ATP7A: variants seen among roughly 807,000 people sequenced by gnomAD.
The protein encoded by ATP7A is ATPase copper transporting alpha.
Under a neutral mutation model 83.5 loss-of-function variants are expected in ATP7A, and 7 were observed. The ratio of observed to expected loss-of-function variants is 0.08; its 90% CI spans 0.05 to 0.16. The LOEUF (loss-of-function observed/expected upper bound fraction) is 0.16, where lower values mean the gene tolerates loss of function less well. ATP7A is among the 10% of genes least tolerant of loss of function. The pLI, the probability that ATP7A is intolerant of heterozygous loss-of-function variation, is 1.00. For missense variants in ATP7A, 940 were observed against 1,120.8 expected (o/e 0.84, Z 2.30); for synonymous variants, 354 against 395.2 (o/e 0.90, Z 1.24).
chrX:77,928,845 G>A (rs1195573016), intron 1 of ATP7A, among the ~76,000 whole-genome samples: 1 of 111,972 alleles, frequency 8.9e-6, no homozygotes, highest in Non-Finnish European at 1.9e-5. Flanking sequence ...AGATAAATGT[G>A]CTAGGCCGTC....
chrX:77,916,900 G>C (rs1278596861), intron 1 of ATP7A, among the ~76,000 whole-genome samples: 1 of 111,417 alleles, frequency 9.0e-6, no homozygotes, highest in Non-Finnish European at 1.9e-5. Context: ...ACTAAACTAT[G>C]AAACTGATTC....
chrX:77,962,173 T>TGCTCTGGTCGGATTCTGCC (rs1430072140), intron 1 of ATP7A, among the ~76,000 whole-genome samples: 1 of 111,789 alleles, frequency 8.9e-6, no homozygotes, highest in African/African-American at 3.2e-5. Flanking sequence ...ATGGTTTGGC[T>TGCTCTGGTCGGATTCTGCC]GCTCTGGTCG....
In ATP7A at chrX:78,011,446, A is replaced by G. The variant is rs782237008; in HGVS notation, c.1947-3A>G. On this transcript the variant is annotated splice_polypyrimidine_tract_variant and splice_region_variant and intron_variant, in intron 8 of 22. Coordinates refer to ENST00000341514, the MANE Select transcript of ATP7A (RefSeq NM_000052.7). ...TTTTCTTTTTTTATTTTTTCCATAT[A>G]AGATGGAGACGGTCTTTTCTTGTGA... The G allele has an allele frequency of 2.9e-5, 35 of 1,203,796 alleles. No individual in the cohort carries two copies. Among genetic ancestry groups the G allele is most frequent in the African/African-American group, 1.4e-4 (8 of 56,891 alleles).
At chrX:77,982,220 G>T (rs1557230962) in intron 2 of ATP7A, among the ~76,000 whole-genome samples, 1 of 111,700 alleles carries the variant, frequency 9.0e-6, no homozygotes, top group Non-Finnish European at 1.9e-5. Context: ...CTCCACATCT[G>T]TAAAATAACA....
At chrX:78,011,876 G>C (rs1274274092) in intron 9 of ATP7A, 10 of 458,906 alleles carry the variant, frequency 2.2e-5, no homozygotes, top group African/African-American at 1.7e-4. Context: ...AAGAGTTCAA[G>C]TTTTTTGGGT....
chrX:78,039,735 G>A (rs2078035685), intron 18 of ATP7A, among the ~76,000 whole-genome samples: 1 of 111,635 alleles, frequency 9.0e-6, no homozygotes, highest in African/African-American at 3.3e-5. Flanking sequence ...TTTTTTACTG[G>A]GTACATTTTA....
At chrX:77,988,762 G>A (rs782713022) in intron 3 of ATP7A, 31 bp downstream of exon 3, 55 of 1,207,901 alleles carry the variant, frequency 4.6e-5, no homozygotes, top group Non-Finnish European at 6.0e-5. Context: ...TGTTTTGTAA[G>A]GCTTAGGTGT....
chrX:77,916,327 C>T (rs370774075), intron 1 of ATP7A, among the ~76,000 whole-genome samples: 70 of 101,030 alleles, frequency 6.9e-4, no homozygotes, highest in African/African-American at 1.4e-3. Flanking sequence ...TGCAGTCCAG[C>T]CTGGGTGACA....
In ATP7A at chrX:78,050,377, A is replaced by G. The variant is rs1428830921; in HGVS notation, c.*3807A>G. 3 of 112,246 alleles carry G rather than the reference A, an allele frequency of 2.7e-5. No individual in the cohort carries two copies. In the East Asian group the frequency reaches 8.3e-4, roughly 31 times the overall value. The allele number at this position is 112,246 out of a possible 1,213,427, so 9.3% of individuals were successfully genotyped here. ...CCAAGGATGTGCCTTCAACTTTATA[A>G]TTATAGTGTTGTAAAATATTTTTGT... On this transcript the variant is annotated 3_prime_UTR_variant, in exon 23 of 23. Coordinates refer to ENST00000341514, the MANE Select transcript of ATP7A (RefSeq NM_000052.7).
chrX:78,007,303 T>A (rs1423611837), intron 6 of ATP7A, among the ~76,000 whole-genome samples: 2 of 112,360 alleles, frequency 1.8e-5, no homozygotes, highest in East Asian at 5.5e-4. Flanking sequence ...TCATAAATGT[T>A]CTTTGGAGAA....
intron 1 of ATP7A, among the ~76,000 whole-genome samples, chrX:77,950,057 C>T (rs1160058071): frequency 2.7e-5 from 3 of 112,081 alleles, no homozygotes; most frequent in Non-Finnish European, 5.6e-5. Flanking sequence ...TTCACTGGCA[C>T]TGGCTTTCTC....
chrX:77,983,652 C>T (rs919807404), intron 2 of ATP7A, among the ~76,000 whole-genome samples: 3 of 111,927 alleles, frequency 2.7e-5, no homozygotes, highest in African/African-American at 9.7e-5. Flanking sequence ...TTCAGTCTTT[C>T]CTATGAGCTA....
At chrX:77,935,789 A>C (rs782206250) in intron 1 of ATP7A, among the ~76,000 whole-genome samples, 3 of 112,638 alleles carry the variant, frequency 2.7e-5, no homozygotes, top group South Asian at 7.2e-4. Flanking sequence ...TACCCATTCC[A>C]CTGCAGAGTA....
chrX:78,001,045 A>G (rs782713389), intron 5 of ATP7A, among the ~76,000 whole-genome samples: 4 of 112,293 alleles, frequency 3.6e-5, no homozygotes, highest in African/African-American at 1.3e-4. Context: ...TGCAATTTAC[A>G]TAAGTATTGA....
At chrX:78,011,384 G>T (rs142953341) in intron 8 of ATP7A, 65 bp from the exon 9 acceptor site, 37 of 1,071,197 alleles carry the variant, frequency 3.5e-5, no homozygotes, top group Non-Finnish European at 4.5e-5. Flanking sequence ...TCTGTAGTAT[G>T]TAGAATCTTT....
At chrX:77,924,669 A>G (rs1419419698) in intron 1 of ATP7A, 6 of 111,815 alleles carry the variant, frequency 5.4e-5, no homozygotes, top group African/African-American at 1.9e-4. Flanking sequence ...GAATGTTACC[A>G]GAGTTTCACC....
intron 1 of ATP7A, among the ~76,000 whole-genome samples, chrX:77,957,812 A>G (rs2077453468): frequency 9.0e-6 from 1 of 111,246 alleles, no homozygotes; most frequent in East Asian, 2.8e-4. Flanking sequence ...ATTTTTGTAT[A>G]TGATGAGAGG....
At chrX:77,992,702 C>T (rs2077676929) in intron 4 of ATP7A, among the ~76,000 whole-genome samples, 1 of 110,447 alleles carries the variant, frequency 9.1e-6, no homozygotes. Flanking sequence ...ACCTCTGTGC[C>T]CCGGGTTCAA....
intron 1 of ATP7A, among the ~76,000 whole-genome samples, chrX:77,970,897 A>G (rs1224550042): frequency 1.8e-5 from 2 of 111,763 alleles, no homozygotes; most frequent in Non-Finnish European, 3.8e-5. Context: ...GGTACGTTCT[A>G]TGAAAACAAA....
Sources: gnomAD v4.1 joint callset for allele counts (sites outside exome capture counted in the v4.1 genomes callset) on GRCh38, gnomAD v4.1.1 for gene constraint, MANE v1.5 for transcripts, NCBI Gene and HGNC (gene_info 2026-07-23, HGNC 2026-07-21) for gene names.